AFF3: variants seen among roughly 807,000 people sequenced by gnomAD.
The protein encoded by AFF3 is ALF transcription elongation factor 3, also known as AF4/FMR2 family member 3.
AFF3 carries 32 observed loss-of-function variants against 129.7 expected under a neutral mutation model. That is an observed-to-expected ratio of 0.25 (90% CI 0.19 to 0.33). The LOEUF (loss-of-function observed/expected upper bound fraction) is 0.33, where lower values mean the gene tolerates loss of function less well. AFF3 is among the 10% of genes least tolerant of loss of function. The pLI, the probability that AFF3 is intolerant of heterozygous loss-of-function variation, is 1.00. For synonymous variants in AFF3, 644 were observed against 635.4 expected, an observed-to-expected ratio of 1.01 and a Z score of -0.20; for missense variants, 1,373 against 1,592.0, an observed-to-expected ratio of 0.86 and a Z score of 2.34.
intron 8 of AFF3, among the ~76,000 whole-genome samples, chr2:99,752,515 C>T (rs1681743168): frequency 6.6e-6 from 1 of 152,184 alleles, no homozygotes; most frequent in African/African-American, 2.4e-5. Flanking sequence ...TCTCCCCATG[C>T]TCCCTTTATA....
chr2:99,575,079 C>T (rs1165707652), intron 18 of AFF3, among the ~76,000 whole-genome samples: 1 of 152,176 alleles, frequency 6.6e-6, no homozygotes, highest in Non-Finnish European at 1.5e-5. Flanking sequence ...CCCTGAAGAA[C>T]TGAGAATTAA....
At chr2:99,609,539 G>A (rs947630736) in intron 13 of AFF3, among the ~76,000 whole-genome samples, 1 of 152,120 alleles carries the variant, frequency 6.6e-6, no homozygotes, top group African/African-American at 2.4e-5. Context: ...ACCCATCCAG[G>A]TTGCTGCAAA....
intron 11 of AFF3, among the ~76,000 whole-genome samples, chr2:99,694,011 G>A (rs1023188529): frequency 5.3e-5 from 8 of 151,606 alleles, no homozygotes; most frequent in African/African-American, 7.3e-5. Flanking sequence ...GCTGCCTCCC[G>A]GGTTCAAGTG....
chr2:99,844,532 G>T (rs541883847), intron 7 of AFF3, among the ~76,000 whole-genome samples: 159 of 137,712 alleles, frequency 1.2e-3, no homozygotes, highest in African/African-American at 4.1e-3. Flanking sequence ...CTGCCTCCCG[G>T]GTTCAAGTGA....
At chr2:99,792,687 A>C (rs573091249) in intron 8 of AFF3, among the ~76,000 whole-genome samples, 3 of 152,104 alleles carry the variant, frequency 2.0e-5, no homozygotes, top group African/African-American at 7.2e-5. Context: ...ATATATCTTA[A>C]ATTTTGCCAA....
At chr2:99,979,666 T>C (rs1679214307) in intron 7 of AFF3, among the ~76,000 whole-genome samples, 2 of 152,136 alleles carry the variant, frequency 1.3e-5, no homozygotes, top group Non-Finnish European at 1.5e-5. Flanking sequence ...TTAACTTTTG[T>C]AGAGATGGGG....
At chr2:99,906,844 T>TAC (rs56113249) in intron 7 of AFF3, among the ~76,000 whole-genome samples, 24,640 of 146,344 alleles carry the variant, frequency 0.17, 2,201 homozygotes, top group Admixed American at 0.25. Flanking sequence ...CTATCCATAT[T>TAC]ACACACACAC....
chr2:99,554,707 G>T lies in AFF3; in HGVS notation c.3311C>A (p.Pro1104Gln). 6.2e-7 allele frequency: 1 copy of T among 1,614,228 alleles called. No individual in the cohort carries two copies. The highest frequency in any genetic ancestry group is 1.1e-5 in the South Asian group (1 of 91,090). The change falls in exon 23 of 25, where the codon CCA becomes CAA. Residue 1104 changes from proline to glutamine, a missense_variant. Pro to Gln is a moderately conservative substitution (Grantham distance 76). Coordinates refer to ENST00000672756, the MANE Select transcript of AFF3 (RefSeq NM_001386135.1). ...CTTTCCACTGGCCCCCCACGGAGAT[G>T]GGGCTTGGGCGGCTTTAGATGAGTT... Reference protein sequence around the residue: ...FKNSSKAAQAPSPWGASGKST... With the variant: ...FKNSSKAAQAQSPWGASGKST...
intron 9 of AFF3, among the ~76,000 whole-genome samples, chr2:99,746,418 ATAAAATG>A: frequency 6.6e-6 from 1 of 152,376 alleles, no homozygotes; most frequent in South Asian, 2.1e-4. Flanking sequence ...CTGAAACAGT[ATAAAATG>A]AGCCAGTCGG....
intron 7 of AFF3, among the ~76,000 whole-genome samples, chr2:99,917,125 T>C (rs1695525105): frequency 6.6e-6 from 1 of 152,132 alleles, no homozygotes; most frequent in African/African-American, 2.4e-5. Context: ...AAGGGTTTAA[T>C]AAAGGGACTA....
chr2:99,601,289 C>A, intron 14 of AFF3, 146 bp downstream of exon 14: 1 of 976,130 alleles, frequency 1.0e-6, no homozygotes, highest in Non-Finnish European at 1.4e-6. Context: ...AGCCCGAAGC[C>A]CATAGCCTCC....
intron 8 of AFF3, among the ~76,000 whole-genome samples, chr2:99,823,907 C>T (rs889052514): frequency 6.6e-6 from 1 of 152,060 alleles, no homozygotes; most frequent in African/African-American, 2.4e-5. Flanking sequence ...ACTGACTACA[C>T]AGAGACATCA....
intron 7 of AFF3, among the ~76,000 whole-genome samples, chr2:99,996,349 TG>T (rs1406016216): frequency 6.6e-6 from 1 of 152,128 alleles, no homozygotes; most frequent in East Asian, 1.9e-4. Flanking sequence ...AAACATTAAC[TG>T]TGATTATTTC....
chr2:99,712,054 T>C (rs1208730923), intron 11 of AFF3, among the ~76,000 whole-genome samples: 2 of 152,180 alleles, frequency 1.3e-5, no homozygotes, highest in Non-Finnish European at 2.9e-5. Context: ...CCCACCTTAA[T>C]CATAACTGAA....
At chr2:99,566,029 A>C (rs1559483962) in intron 19 of AFF3, among the ~76,000 whole-genome samples, 2 of 152,224 alleles carry the variant, frequency 1.3e-5, no homozygotes. Flanking sequence ...CTTTTGGTAC[A>C]TCCCCAACTT....
At chr2:99,883,235 T>G (rs1421118646) in intron 7 of AFF3, among the ~76,000 whole-genome samples, 1 of 152,176 alleles carries the variant, frequency 6.6e-6, no homozygotes, top group Admixed American at 6.5e-5. Flanking sequence ...ATACGATATC[T>G]TCATAAAAAC....
At chr2:99,741,356 G>A (rs1302495517) in intron 10 of AFF3, among the ~76,000 whole-genome samples, 2 of 152,122 alleles carry the variant, frequency 1.3e-5, no homozygotes, top group Non-Finnish European at 2.9e-5. Context: ...AAGCTGAGAG[G>A]CAACTTCAGC....
intron 7 of AFF3, among the ~76,000 whole-genome samples, chr2:99,896,545 A>G (rs1421904790): frequency 1.3e-5 from 2 of 149,950 alleles, no homozygotes; most frequent in Non-Finnish European, 3.0e-5. Context: ...GCTGAAGTGA[A>G]GCAGATTTAA....
chr2:99,995,934 C>T (rs1341234516), intron 7 of AFF3, among the ~76,000 whole-genome samples: 1 of 152,090 alleles, frequency 6.6e-6, no homozygotes, highest in Non-Finnish European at 1.5e-5. Context: ...AAAAAATGCA[C>T]AAAGGTTTAT....
Sources: allele counts gnomAD v4.1 joint callset (sites outside exome capture counted in the v4.1 genomes callset), GRCh38; gene constraint gnomAD v4.1.1; transcripts MANE v1.5; gene names NCBI Gene and HGNC (gene_info 2026-07-23, HGNC 2026-07-21).